BCL10: variants seen among roughly 807,000 people sequenced by gnomAD.
The protein encoded by BCL10 is B-cell lymphoma/leukemia 10.
In BCL10, 5 loss-of-function variants were observed where a neutral mutation model predicts 19.2. That is an observed-to-expected ratio of 0.26 (90% CI 0.14 to 0.55). The LOEUF is 0.55. Among genes scored for constraint, BCL10 ranks in the 20% least tolerant of loss-of-function variants. The probability of loss-of-function intolerance (pLI) is 0.94; values close to 1 mark genes in which losing one functional copy is unlikely to be tolerated. For synonymous variants in BCL10, 110 were observed against 98.8 expected, an observed-to-expected ratio of 1.11 and a Z score of -0.67; for missense variants, 201 against 271.9, an observed-to-expected ratio of 0.74 and a Z score of 1.83.
At chr1:85,268,589 G>A (rs1660271084) in intron 2 of BCL10, among the ~76,000 whole-genome samples, 1 of 152,036 alleles carries the variant, frequency 6.6e-6, no homozygotes, top group South Asian at 2.1e-4. Flanking sequence ...CCAACATGGC[G>A]AAACCCCATC....
At chr1:85,275,589 T>C (rs1005236876) in intron 1 of BCL10, among the ~76,000 whole-genome samples, 4 of 152,238 alleles carry the variant, frequency 2.6e-5, no homozygotes, top group African/African-American at 4.8e-5. Context: ...AGGTCTCATC[T>C]GACAAAACAA....
intron 1 of BCL10, among the ~76,000 whole-genome samples, chr1:85,272,287 A>AG (rs1660387653): frequency 6.6e-6 from 1 of 152,160 alleles, no homozygotes; most frequent in Non-Finnish European, 1.5e-5. Flanking sequence ...GCTGGAGTGC[A>AG]GTGGCTTGAT....
rs1269185603 is a variant in BCL10, at chr1:85,270,724, G to A, written c.240C>T (p.Asp80=). 3 of 1,614,064 alleles carry A rather than the reference G, an allele frequency of 1.9e-6. No individual in the cohort carries two copies. In the East Asian group the frequency reaches 6.7e-5, roughly 36 times the overall value. ...CTCGCCGAATAGATTCAACAAGGGT[G>A]TCCAGACCTTTTGGGTTTTCCTGTA... The part of the protein sequence containing the change: ...DYLQENPKGL[D]TLVESIRREK... Residue 80 remains aspartate, a synonymous_variant, in exon 2 of 3, where the codon GAC becomes GAT. Transcript: ENST00000648566.
intron 2 of BCL10, among the ~76,000 whole-genome samples, chr1:85,268,413 A>G (rs912153981): frequency 6.6e-6 from 1 of 152,238 alleles, no homozygotes; most frequent in African/African-American, 2.4e-5. Flanking sequence ...ATTCTTGAAT[A>G]ATAGGATATT....
In BCL10 at chr1:85,266,050, A is replaced by C. The variant is rs1660181076; in HGVS notation, c.*1577T>G. Among the ~76,000 whole-genome samples the C allele has an allele frequency of 6.6e-6, 1 of 151,874 alleles. No homozygotes were observed. Among genetic ancestry groups the C allele is most frequent in the African/African-American group, 2.4e-5 (1 of 41,444 alleles). ...TCTATAATCCTTAGAAAGTGCTTAT[A>C]CTAAAAAAAATCCAATCTTTAAAAA... On this transcript the variant is annotated 3_prime_UTR_variant, in exon 3 of 3. Transcript: ENST00000648566.
rs113832149 is a variant in BCL10 at position 85,270,470 on chromosome 1, G to A, written c.346+148C>T. 1.4e-3 allele frequency: 937 copies of A among 681,932 alleles called. 7 individuals are homozygous for A. Among genetic ancestry groups the A allele is most frequent in the African/African-American group, 0.013 (730 of 54,610 alleles). The allele number at this position is 681,932 out of a possible 1,614,324, so 42.2% of individuals were successfully genotyped here. On this transcript the variant is annotated intron_variant, in intron 2 of 2. Transcript: ENST00000648566. ...TAATTTTTTGTAGAGACAAAGTCTC[G>A]CTATGTTGCCCAGGCTGGTCTCAAA... is the stretch of plus-strand genomic sequence containing the variant.
rs1294582633 is a variant in BCL10 at position 85,267,997 on chromosome 1, T to C, written c.347-15A>G. ...ACATTTTAGTCCTACAATAAAATTA[T>C]TCAGATGTAAATGAAAAAGTAACTA... is the stretch of plus-strand genomic sequence containing the variant. On this transcript the variant is annotated splice_polypyrimidine_tract_variant and intron_variant, in intron 2 of 2. Transcript: ENST00000648566. The C allele has an allele frequency of 1.4e-6, 2 of 1,472,960 alleles. No individual in the cohort carries two copies. Among genetic ancestry groups the C allele is most frequent in the African/African-American group, 1.4e-5 (1 of 70,980 alleles). 91.2% of individuals were successfully genotyped at this position (1,472,960 alleles called of 1,614,324 possible). A position where few individuals can be genotyped will look rare whatever the true frequency, so the allele number is the denominator to read the frequency against.
rs554313836 is a variant in BCL10 at position 85,266,105 on chromosome 1, A to G, written c.*1522T>C. ...TAAAGCTAATATGCCAATCTTCTTC[A>G]TGTCGGATAAATTCATCAGTCCATC... is the stretch of plus-strand genomic sequence containing the variant. On this transcript the variant is annotated 3_prime_UTR_variant, in exon 3 of 3. Coordinates refer to ENST00000648566, the MANE Select transcript of BCL10 (RefSeq NM_003921.5). The G allele has an allele frequency of 5.4e-6, 1 of 186,552 alleles. No individual in the cohort carries two copies. Among genetic ancestry groups the G allele is most frequent in the African/African-American group, 2.3e-5 (1 of 42,832 alleles). 11.6% of individuals were successfully genotyped at this position (186,552 alleles called of 1,614,324 possible).
At chr1:85,268,215 C>T (rs1415556334) in intron 2 of BCL10, among the ~76,000 whole-genome samples, 8 of 152,128 alleles carry the variant, frequency 5.3e-5, no homozygotes, top group Non-Finnish European at 1.0e-4. Context: ...GGAAGTTAAA[C>T]GACATGCTGT....
At position 85,276,299 on chromosome 1, in the gene BCL10, C is replaced by G. The variant is rs757265980; in HGVS notation, c.54G>C (p.Lys18Asn). ...LTEEDLTEVK[K>N]DALENLRVYL... ...TGGGCACAGCTGCGTTACTCACGTC[C>G]TTCTTCACTTCAGTGAGGTCCTCCT... The change falls in exon 1 of 3, where the codon AAG (lysine) becomes AAC (asparagine). Residue 18 changes from lysine (K) to asparagine (N), a missense_variant. By Grantham distance (94) the Lys-to-Asn change is moderately conservative (BLOSUM62 0). This residue lies in a region of BCL10 where 51 missense variants were observed against 118.8 expected (regional missense o/e 0.43). Coordinates refer to ENST00000648566, the MANE Select transcript of BCL10 (RefSeq NM_003921.5). 1 of 1,613,208 alleles carries G rather than the reference C, an allele frequency of 6.2e-7. No individual in the cohort carries two copies. Among genetic ancestry groups the G allele is most frequent in the Non-Finnish European group, 8.5e-7 (1 of 1,179,342 alleles).
chr1:85,270,595 C>T (rs1446925966), intron 2 of BCL10, 23 bp downstream of exon 2: 1 of 1,574,984 alleles, frequency 6.3e-7, no homozygotes, highest in Non-Finnish European at 8.6e-7. Flanking sequence ...TAAATTAGCT[C>T]TTAGATAATT....
In BCL10 at chr1:85,267,830, A is replaced by G. The variant is rs1401934631; in HGVS notation, c.499T>C (p.Ser167Pro). Residue 167 changes from serine (S) to proline (P), a missense_variant, in exon 3 of 3, where the codon TCT becomes CCT. By Grantham distance (74) the Ser-to-Pro change is moderately conservative. Transcript: ENST00000648566. ...EGESSTTPFF[S>P]TNSSLNLPVL... ...GGCAAATTCAGAGAAGAATTAGTAG[A>G]AAAAAAGGGCGTCGTGCTGGATTCT... The G allele has an allele frequency of 5.6e-6, 9 of 1,613,940 alleles. No homozygotes were observed. The highest frequency in any genetic ancestry group is 1.1e-5 in the South Asian group (1 of 91,074).
At chr1:85,276,174 A>T in intron 1 of BCL10, 122 bp downstream of exon 1, 1 of 1,253,938 alleles carries the variant, frequency 8.0e-7, no homozygotes, top group Non-Finnish European at 1.2e-6. Flanking sequence ...CTCCTGTGCT[A>T]GGACTTTCCG....
chr1:85,276,555 GGCGACGCGAATCTAC>G lies in BCL10; in HGVS notation c.-218_-204del. Reference sequence around the variant, plus strand: ...TTCCGGCCCCGCCTCTGAGGTCGACGGCGACGCGAATCTACGCGACGCGACGCGGAGCTCGGAGCA... The same window carrying G: ...TTCCGGCCCCGCCTCTGAGGTCGACGGCGACGCGACGCGGAGCTCGGAGCA... On this transcript the variant is annotated 5_prime_UTR_variant, in exon 1 of 3. Coordinates refer to ENST00000648566, the MANE Select transcript of BCL10 (RefSeq NM_003921.5). 2 of 611,736 alleles carry G rather than the reference GGCGACGCGAATCTAC, an allele frequency of 3.3e-6. No individual in the cohort carries two copies. Among genetic ancestry groups the G allele is most frequent in the Admixed American group, 2.9e-5 (1 of 34,034 alleles). 37.9% of individuals were successfully genotyped at this position (611,736 alleles called of 1,614,324 possible).
rs930546806 is a variant in BCL10 at position 85,276,470 on chromosome 1, T to C, written c.-118A>G. ...GAAGAAGGAGAGGAGGCGGAGCGGG[T>C]CGGGAGAAAGACGGCCGCCCCTTCG... On this transcript the variant is annotated 5_prime_UTR_variant, in exon 1 of 3. Coordinates refer to ENST00000648566, the MANE Select transcript of BCL10 (RefSeq NM_003921.5). 8.2e-7 allele frequency: 1 copy of C among 1,223,416 alleles called. No individual in the cohort carries two copies. The highest frequency in any genetic ancestry group is 1.3e-5 in the South Asian group (1 of 79,198). 75.8% of individuals were successfully genotyped at this position (1,223,416 alleles called of 1,614,324 possible). A position where few individuals can be genotyped will look rare whatever the true frequency, so the allele number is the denominator to read the frequency against.
intron 1 of BCL10, among the ~76,000 whole-genome samples, chr1:85,274,473 G>A (rs1295412684): frequency 6.6e-6 from 1 of 152,064 alleles, no homozygotes; most frequent in East Asian, 1.9e-4. Flanking sequence ...TTATTAAACT[G>A]TACTAAATCC....
rs1660345366 is a variant in BCL10, at chr1:85,270,644, C to G, written c.320G>C (p.Arg107Thr). 1 of 1,603,846 alleles carries G rather than the reference C, an allele frequency of 6.2e-7. No individual in the cohort carries two copies. ...TTTCAGATGTTCTAGTTTTATATTT[C>G]TAAGTTTCAGCACTTCATCTGTAAT... ...QKITDEVLKL[R>T]NIKLEHLKGL... The change falls in exon 2 of 3, where the codon AGA becomes ACA. Residue 107 changes from arginine (R) to threonine (T), a missense_variant. By Grantham distance (71) the Arg-to-Thr change is moderately conservative. This residue lies in a region of BCL10 where 51 missense variants were observed against 118.8 expected (regional missense o/e 0.43). Transcript: ENST00000648566.
intron 2 of BCL10, among the ~76,000 whole-genome samples, chr1:85,268,364 G>C (rs1660261397): frequency 6.6e-6 from 1 of 152,228 alleles, no homozygotes; most frequent in South Asian, 2.1e-4. Context: ...GTAAACGGCA[G>C]ATGCTAAAAT....
intron 2 of BCL10, among the ~76,000 whole-genome samples, chr1:85,269,011 T>C (rs1333287492): frequency 6.6e-6 from 1 of 152,192 alleles, no homozygotes; most frequent in Non-Finnish European, 1.5e-5. Flanking sequence ...GCTGAGGCCT[T>C]TGGGAGGCAA....
Sources: allele counts gnomAD v4.1 joint callset (sites outside exome capture counted in the v4.1 genomes callset), GRCh38; gene constraint gnomAD v4.1.1; regional missense constraint gnomAD v4.1.1; transcripts MANE v1.5; gene names NCBI Gene and HGNC (gene_info 2026-07-23, HGNC 2026-07-21).